Variants in CNTNAP2 observed in about 807,000 individuals in gnomAD.
CNTNAP2 encodes contactin-associated protein-like 2.
In CNTNAP2, 98 loss-of-function variants were observed where a neutral mutation model predicts 155.2. The observed-to-expected ratio is 0.63, with a 90% CI of 0.54 to 0.75. The LOEUF is 0.75. Among genes scored for constraint, CNTNAP2 ranks in the 30% least tolerant of loss-of-function variants. The probability of loss-of-function intolerance (pLI) is 0.00; values close to 1 mark genes in which losing one functional copy is unlikely to be tolerated. For synonymous variants in CNTNAP2, 651 were observed against 631.2 expected (o/e 1.03, Z -0.47); for missense variants, 1,727 against 1,688.1 (o/e 1.02, Z -0.40).
intron 10 of CNTNAP2, among the ~76,000 whole-genome samples, chr7:147,472,394 G>C (rs997347886): frequency 6.6e-6 from 1 of 151,752 alleles, no homozygotes; most frequent in African/African-American, 2.4e-5. Flanking sequence ...TGTATTTTTA[G>C]TAGAGATGGG....
chr7:146,249,282 C>T (rs1225953117), intron 1 of CNTNAP2, among the ~76,000 whole-genome samples: 2 of 152,038 alleles, frequency 1.3e-5, no homozygotes, highest in Non-Finnish European at 2.9e-5. Flanking sequence ...GATTATTATT[C>T]CTTTAAAATA....
intron 12 of CNTNAP2, among the ~76,000 whole-genome samples, chr7:147,574,750 T>A (rs562077716): frequency 6.6e-6 from 1 of 152,240 alleles, no homozygotes; most frequent in African/African-American, 2.4e-5. Flanking sequence ...ATCTCCATTT[T>A]CTGTGTAGTT....
chr7:146,489,896 C>CA (rs1401295078), intron 1 of CNTNAP2, among the ~76,000 whole-genome samples: 1 of 151,466 alleles, frequency 6.6e-6, no homozygotes, highest in African/African-American at 2.4e-5. Context: ...TTTGAGTATG[C>CA]AAAAAAGGTT....
chr7:147,857,274 G>C (rs1485356818), intron 13 of CNTNAP2, among the ~76,000 whole-genome samples: 1 of 152,102 alleles, frequency 6.6e-6, no homozygotes, highest in Middle Eastern at 3.2e-3. Flanking sequence ...TCTTACATTT[G>C]TCTCCGTGCA....
rs541391480 is a variant in CNTNAP2, at chr7:147,726,660, T to C, written c.2098+87354T>C. Among the ~76,000 whole-genome samples, 13 of 151,978 alleles carry C rather than the reference T, an allele frequency of 8.6e-5. No homozygotes were observed. The East Asian group carries it at 2.5e-3, about 30-fold the overall frequency. On this transcript the variant is annotated intron_variant, in intron 13 of 23. Coordinates refer to ENST00000361727, the MANE Select transcript of CNTNAP2 (RefSeq NM_014141.6). ...CCTATAAATCCTTAACAAAACAGAGTTGTTTACATACTTCCCCCTTTAATC... is the reference window on the plus strand; with the variant it reads ...CCTATAAATCCTTAACAAAACAGAGCTGTTTACATACTTCCCCCTTTAATC...
intron 21 of CNTNAP2, among the ~76,000 whole-genome samples, chr7:148,329,413 G>A (rs1585277388): frequency 3.9e-5 from 6 of 152,212 alleles, no homozygotes; most frequent in East Asian, 3.9e-4. Flanking sequence ...ACAGCCCCCT[G>A]TGGACAAGGC....
chr7:148,143,324 A>G (rs900239744), intron 16 of CNTNAP2, among the ~76,000 whole-genome samples: 1 of 152,232 alleles, frequency 6.6e-6, no homozygotes, highest in African/African-American at 2.4e-5. Flanking sequence ...TGGCTTGAGC[A>G]ATAACATAAC....
chr7:146,954,774 T>C (rs1227021520), intron 3 of CNTNAP2, among the ~76,000 whole-genome samples: 1 of 152,006 alleles, frequency 6.6e-6, no homozygotes, highest in Non-Finnish European at 1.5e-5. Flanking sequence ...CTGTCACTTA[T>C]ACCACTGCAA....
intron 8 of CNTNAP2, among the ~76,000 whole-genome samples, chr7:147,214,587 T>G (rs1169037852): frequency 6.6e-6 from 1 of 152,196 alleles, no homozygotes; most frequent in East Asian, 1.9e-4. Context: ...CCATAAGAGA[T>G]ATTTTGTGAT....
intron 1 of CNTNAP2, among the ~76,000 whole-genome samples, chr7:146,635,462 G>T (rs747674612): frequency 6.6e-6 from 1 of 152,110 alleles, no homozygotes; most frequent in Non-Finnish European, 1.5e-5. Flanking sequence ...GAGGTACAGC[G>T]ATGACACATC....
intron 13 of CNTNAP2, among the ~76,000 whole-genome samples, chr7:147,723,831 T>C (rs1212842134): frequency 6.6e-6 from 1 of 152,004 alleles, no homozygotes; most frequent in Admixed American, 6.6e-5. Context: ...AACGATCAAG[T>C]CAGGGTATTT....
intron 1 of CNTNAP2, among the ~76,000 whole-genome samples, chr7:146,639,708 G>A (rs867303812): frequency 6.6e-6 from 1 of 152,194 alleles, no homozygotes; most frequent in Non-Finnish European, 1.5e-5. Flanking sequence ...AATTGTCCAT[G>A]TGCCAGGCAC....
At chr7:146,469,140 T>G (rs935526004) in intron 1 of CNTNAP2, among the ~76,000 whole-genome samples, 3 of 152,216 alleles carry the variant, frequency 2.0e-5, no homozygotes, top group Non-Finnish European at 2.9e-5. Context: ...CTGTCCCAGT[T>G]GCAGGAAGTG....
At chr7:146,541,672 C>T (rs1411525202) in intron 1 of CNTNAP2, among the ~76,000 whole-genome samples, 1 of 152,054 alleles carries the variant, frequency 6.6e-6, no homozygotes, top group Non-Finnish European at 1.5e-5. Context: ...GAGCAATAGG[C>T]ATTTGTAAAA....
chr7:147,680,235 A>C (rs1795927669), intron 13 of CNTNAP2, among the ~76,000 whole-genome samples: 2 of 152,052 alleles, frequency 1.3e-5, no homozygotes, highest in South Asian at 4.1e-4. Context: ...CTTTCCCATC[A>C]TCAAGTTCCT....
At chr7:147,378,196 A>G (rs542609131) in intron 9 of CNTNAP2, 8 of 296,044 alleles carry the variant, frequency 2.7e-5, no homozygotes, top group Non-Finnish European at 5.3e-5. Context: ...GACATTGTCG[A>G]TATTCAATCT....
chr7:147,468,851 TTTCC>T (rs112765863), intron 10 of CNTNAP2, among the ~76,000 whole-genome samples: 35 of 146,740 alleles, frequency 2.4e-4, no homozygotes, highest in Middle Eastern at 3.5e-3. Context: ...CTTTTTTTTT[TTTCC>T]CCCCAGACAG....
intron 4 of CNTNAP2, among the ~76,000 whole-genome samples, chr7:147,093,240 C>CAAAAAAAA (rs530286124): frequency 5.5e-5 from 3 of 54,312 alleles, no homozygotes; most frequent in East Asian, 6.5e-4. Flanking sequence ...GACTCCATCT[C>CAAAAAAAA]AAAAAAAAAA....
At chr7:146,869,049 T>G (rs535990364) in intron 3 of CNTNAP2, among the ~76,000 whole-genome samples, 1 of 152,290 alleles carries the variant, frequency 6.6e-6, no homozygotes, top group South Asian at 2.1e-4. Flanking sequence ...CTTCCAATCC[T>G]ATGTGGAATA....
Sources: gnomAD v4.1 joint callset for allele counts (sites outside exome capture counted in the v4.1 genomes callset) on GRCh38, gnomAD v4.1.1 for gene constraint, MANE v1.5 for transcripts, NCBI Gene and HGNC (gene_info 2026-07-23, HGNC 2026-07-21) for gene names.